SLC44A5: variants seen among roughly 807,000 people sequenced by gnomAD.
SLC44A5 encodes the protein solute carrier family 44 member 5, also known as choline transporter-like protein 5.
SLC44A5 carries 57 observed loss-of-function variants against 101.8 expected under a neutral mutation model. The ratio of observed to expected loss-of-function variants is 0.56; its 90% CI spans 0.45 to 0.70. The LOEUF (loss-of-function observed/expected upper bound fraction) is 0.70, where lower values mean the gene tolerates loss of function less well. SLC44A5 is among the 30% of genes least tolerant of loss of function. The pLI, the probability that SLC44A5 is intolerant of heterozygous loss-of-function variation, is 0.00. For synonymous variants in SLC44A5, 281 were observed against 290.9 expected (o/e 0.97, Z 0.35); for missense variants, 737 against 853.1 (o/e 0.86, Z 1.70).
chr1:75,672,368 C>CA, the SLC44A5 span, among the ~76,000 whole-genome samples: 1 of 152,064 alleles, frequency 6.6e-6, no homozygotes, highest in African/African-American at 2.4e-5. Flanking sequence ...CAACAAGGGG[C>CA]AAAACTCAGC....
intron 4 of SLC44A5, among the ~76,000 whole-genome samples, chr1:75,331,111 C>A (rs1657023324): frequency 6.6e-6 from 1 of 151,788 alleles, no homozygotes; most frequent in East Asian, 1.9e-4. Context: ...TGTTCTTGGG[C>A]CTCTCCTCCA....
chr1:75,422,883 G>A (rs1250083595), intron 2 of SLC44A5, among the ~76,000 whole-genome samples: 5 of 152,140 alleles, frequency 3.3e-5, no homozygotes. Context: ...CTTTCTATTA[G>A]GTTGGTGCTA....
At chr1:75,648,877 A>T in the SLC44A5 span, among the ~76,000 whole-genome samples, 1 of 152,206 alleles carries the variant, frequency 6.6e-6, no homozygotes, top group Non-Finnish European at 1.5e-5. Flanking sequence ...TTTTGTCTCA[A>T]ATGGGAATTA....
intron 2 of SLC44A5, among the ~76,000 whole-genome samples, chr1:75,397,386 A>G (rs1662192221): frequency 1.3e-5 from 2 of 152,188 alleles, no homozygotes; most frequent in Non-Finnish European, 2.9e-5. Context: ...AATTCCGTCT[A>G]TAGACCTCAT....
intron 2 of SLC44A5, among the ~76,000 whole-genome samples, chr1:75,528,069 C>G (rs1028439512): frequency 1.3e-5 from 2 of 152,172 alleles, no homozygotes; most frequent in Non-Finnish European, 2.9e-5. Flanking sequence ...ATACAACAAG[C>G]CTCCTTCCCT....
intron 4 of SLC44A5, among the ~76,000 whole-genome samples, chr1:75,313,791 T>A (rs1406532843): frequency 6.6e-6 from 1 of 152,042 alleles, no homozygotes; most frequent in Non-Finnish European, 1.5e-5. Context: ...GGGCTCCTGA[T>A]GAAAATCCGA....
chr1:75,564,594 T>TTTTTAAG (rs1672687162), intron 1 of SLC44A5, among the ~76,000 whole-genome samples: 2 of 147,066 alleles, frequency 1.4e-5, no homozygotes, highest in South Asian at 4.3e-4. Context: ...TATTTACTTT[T>TTTTTAAG]TTTTTAATTT....
chr1:75,366,146 T>C (rs1036306086), intron 3 of SLC44A5, among the ~76,000 whole-genome samples: 5 of 152,220 alleles, frequency 3.3e-5, no homozygotes, highest in African/African-American at 7.2e-5. Context: ...TTTCATGTGT[T>C]TTCATATTTT....
chr1:75,289,702 GA>G (rs1283048188), intron 5 of SLC44A5, among the ~76,000 whole-genome samples: 1 of 151,996 alleles, frequency 6.6e-6, no homozygotes, highest in African/African-American at 2.4e-5. Flanking sequence ...ACTGACTGAA[GA>G]AAAAAAATTA....
chr1:75,476,991 G>A (rs939989416), intron 2 of SLC44A5, among the ~76,000 whole-genome samples: 20 of 152,338 alleles, frequency 1.3e-4, no homozygotes, highest in Admixed American at 6.5e-4. Context: ...CAGCCTAACT[G>A]GGAGGCACCC....
the SLC44A5 span, among the ~76,000 whole-genome samples, chr1:75,642,884 T>A: frequency 6.6e-6 from 1 of 152,144 alleles, no homozygotes; most frequent in East Asian, 1.9e-4. Flanking sequence ...CAGAAAAAAT[T>A]GTAAACAAAT....
intron 2 of SLC44A5, among the ~76,000 whole-genome samples, chr1:75,516,365 T>A (rs1198906813): frequency 6.6e-6 from 1 of 151,790 alleles, no homozygotes; most frequent in Non-Finnish European, 1.5e-5. Flanking sequence ...ATACAAAAAA[T>A]TAGCCGGGCG....
At chr1:75,575,219 T>C (rs1280235814) in intron 1 of SLC44A5, among the ~76,000 whole-genome samples, 1 of 152,228 alleles carries the variant, frequency 6.6e-6, no homozygotes, top group Non-Finnish European at 1.5e-5. Flanking sequence ...CCTCAACTGA[T>C]TATATTGTTT....
chr1:75,680,524 T>C, the SLC44A5 span, among the ~76,000 whole-genome samples: 134,828 of 148,782 alleles, frequency 0.91, 61,265 homozygotes, highest in Middle Eastern at 0.93. Context: ...GGGTACATAA[T>C]GAAATGAAGG....
chr1:75,310,898 T>C (rs1190276443), intron 4 of SLC44A5, among the ~76,000 whole-genome samples: 1 of 152,074 alleles, frequency 6.6e-6, no homozygotes, highest in Non-Finnish European at 1.5e-5. Flanking sequence ...ATTCAATTGT[T>C]TATATAATTC....
chr1:75,584,892 C>T (rs1204498399), intron 1 of SLC44A5, among the ~76,000 whole-genome samples: 3 of 152,138 alleles, frequency 2.0e-5, no homozygotes, highest in Non-Finnish European at 4.4e-5. Context: ...CCACCATGCC[C>T]AGTGGGGTTT....
At chr1:75,412,604 A>C (rs1663352823) in intron 2 of SLC44A5, among the ~76,000 whole-genome samples, 1 of 152,238 alleles carries the variant, frequency 6.6e-6, no homozygotes, top group Admixed American at 6.5e-5. Context: ...ACATGCATAC[A>C]ACAGTCCTCT....
At chr1:75,577,999 T>C (rs1673468494) in intron 1 of SLC44A5, among the ~76,000 whole-genome samples, 1 of 152,184 alleles carries the variant, frequency 6.6e-6, no homozygotes, top group Admixed American at 6.5e-5. Flanking sequence ...GTTTCACTTT[T>C]GTCTTTAATA....
In SLC44A5 at chr1:75,395,331, A is replaced by T. The variant is rs569376507; in HGVS notation, c.52+1252T>A. Among the ~76,000 whole-genome samples the T allele has an allele frequency of 2.0e-5, 3 of 152,258 alleles. No individual in the cohort carries two copies. The South Asian group carries it at 6.2e-4, about 32-fold the overall frequency. On this transcript the variant is annotated intron_variant, in intron 3 of 23. Coordinates refer to ENST00000370859, the MANE Select transcript of SLC44A5 (RefSeq NM_001130058.2). Reference sequence around the variant, plus strand: ...ATGGCACAAAAAAGACTTGACCTCTACTTTGTTTTAAGGTAGGAAAAAACC... The same window carrying T: ...ATGGCACAAAAAAGACTTGACCTCTTCTTTGTTTTAAGGTAGGAAAAAACC...
Sources: gnomAD v4.1 joint callset for allele counts (sites outside exome capture counted in the v4.1 genomes callset) on GRCh38, gnomAD v4.1.1 for gene constraint, MANE v1.5 for transcripts, NCBI Gene and HGNC (gene_info 2026-07-23, HGNC 2026-07-21) for gene names.